The following NRGN variants were observed in gnomAD, a reference collection of about 807,000 sequenced individuals.
NRGN encodes the protein neurogranin.
For missense variants in NRGN, 82 were observed against 123.0 expected, an observed-to-expected ratio of 0.67 and a Z score of 1.58; for synonymous variants, 47 against 52.8, an observed-to-expected ratio of 0.89 and a Z score of 0.47.
chr11:124,745,546 C>G lies in NRGN; in HGVS notation c.59C>G (p.Pro20Arg). ...CCGGACGACGACATTCTAGACATCCCGCTGGACGATCCCGGCGCCAACGCG... is the reference window on the plus strand; with the variant it reads ...CCGGACGACGACATTCTAGACATCCGGCTGGACGATCCCGGCGCCAACGCG... ...SKPDDDILDIPLDDPGANAAA... is the reference protein window; with the variant it reads ...SKPDDDILDIRLDDPGANAAA... Residue 20 changes from proline to arginine, a missense_variant, in exon 2 of 4, where the codon CCG becomes CGG. Physicochemically the swap from Pro to Arg is moderately radical, Grantham distance 103. Transcript: ENST00000284292. This position sits in a 1 kb window ranked among gnomAD's most constrained non-coding sequence, Gnocchi z 6.4. 1 of 1,605,692 alleles carries G rather than the reference C, an allele frequency of 6.2e-7. No individual in the cohort carries two copies. Among genetic ancestry groups the G allele is most frequent in the South Asian group, 1.1e-5 (1 of 89,862 alleles).
chr11:124,740,058 C>A lies in NRGN; in HGVS notation c.-27C>A. On this transcript the variant is annotated 5_prime_UTR_variant, in exon 1 of 4. Transcript: ENST00000284292. The surrounding 1 kb of genome is among the most constrained non-coding windows in gnomAD (Gnocchi z 7.5). ...ACCCCCGCCCTGCGCCAGCCTTCGT[C>A]CCCGCAGAGGACCCCCCGACACCAG... 1 of 1,308,892 alleles carries A rather than the reference C, an allele frequency of 7.6e-7. No homozygotes were observed. The highest frequency in any genetic ancestry group is 9.8e-7 in the Non-Finnish European group (1 of 1,018,950). 81.1% of individuals were successfully genotyped at this position (1,308,892 alleles called of 1,614,324 possible). A position where few individuals can be genotyped will look rare whatever the true frequency, so the allele number is the denominator to read the frequency against.
chr11:124,743,482 T>C (rs1246827065), intron 1 of NRGN, among the ~76,000 whole-genome samples: 1 of 152,212 alleles, frequency 6.6e-6, no homozygotes, highest in East Asian at 1.9e-4. Context: ...GACCTGTGTT[T>C]GGCCTTTCCA....
At position 124,745,763 on chromosome 11, in the gene NRGN, G is replaced by A; in HGVS notation, c.*5+34G>A. On this transcript the variant is annotated intron_variant, in intron 2 of 3. Transcript: ENST00000284292. This position sits in a 1 kb window ranked among gnomAD's most constrained non-coding sequence, Gnocchi z 6.4. ...GGCGGCGCGCGGCTGGCTGACAGCT[G>A]CCCTTCCCCAGCCCTCCCCAGGAGC... 1 of 1,168,602 alleles carries A rather than the reference G, an allele frequency of 8.6e-7. No homozygotes were observed. The highest frequency in any genetic ancestry group is 1.1e-6 in the Non-Finnish European group (1 of 903,098). 72.4% of individuals were successfully genotyped at this position (1,168,602 alleles called of 1,614,324 possible).
In NRGN at chr11:124,741,895, G is replaced by T. The variant is rs1014286787; in HGVS notation, c.15+1796G>T. Among the ~76,000 whole-genome samples the T allele has an allele frequency of 2.6e-4, 40 of 152,268 alleles. 1 individual carries two copies. Among genetic ancestry groups the T allele is most frequent in the African/African-American group, 7.9e-4 (33 of 41,548 alleles). ...TCTTGAGTGCCCAGGGAGCCATACT[G>T]AGGGATTAGTAGACATGGTTGAAGT... On this transcript the variant is annotated intron_variant, in intron 1 of 3. Transcript: ENST00000284292.
intron 1 of NRGN, among the ~76,000 whole-genome samples, chr11:124,743,588 A>G (rs945467785): frequency 6.6e-6 from 1 of 152,088 alleles, no homozygotes; most frequent in African/African-American, 2.4e-5. Flanking sequence ...TAAATCGATT[A>G]TGGGCATCTT....
rs1475079303 is a variant in NRGN at position 124,746,394 on chromosome 11, C to G, written c.*24-10C>G. ...AAGAGGGCAGGTTCTCAGACCTTTT[C>G]TCTCCTCAGTTCCCGAGGAGAGATG... On this transcript the variant is annotated splice_polypyrimidine_tract_variant and intron_variant, in intron 3 of 3. Coordinates refer to ENST00000284292, the MANE Select transcript of NRGN (RefSeq NM_006176.3). 2 of 152,670 alleles carry G rather than the reference C, an allele frequency of 1.3e-5. No individual in the cohort carries two copies. The highest frequency in any genetic ancestry group is 6.5e-5 in the Admixed American group (1 of 15,286). 9.5% of individuals were successfully genotyped at this position (152,670 alleles called of 1,614,324 possible). A position where few individuals can be genotyped will look rare whatever the true frequency, so the allele number is the denominator to read the frequency against.
Position 124,739,988 on chromosome 11 carries a change from G to T in NRGN, c.-97G>T. 1.9e-6 allele frequency: 1 copy of T among 531,394 alleles called. No homozygotes were observed. The highest frequency in any genetic ancestry group is 3.1e-6 in the Non-Finnish European group (1 of 318,636). 32.9% of individuals were successfully genotyped at this position (531,394 alleles called of 1,614,324 possible). ...CTGCTGTTTCGGCGCGGGTCGGCTG[G>T]CGGCCGACTGCCCCAGAGCCCCCAC... On this transcript the variant is annotated 5_prime_UTR_variant, in exon 1 of 4. Transcript: ENST00000284292.
chr11:124,742,807 C>T (rs1943976680), intron 1 of NRGN, among the ~76,000 whole-genome samples: 1 of 152,190 alleles, frequency 6.6e-6, no homozygotes, highest in Non-Finnish European at 1.5e-5. Flanking sequence ...AAGCAGCAAG[C>T]AGGGGATATC....
intron 1 of NRGN, among the ~76,000 whole-genome samples, chr11:124,741,397 A>G (rs558600500): frequency 6.6e-6 from 1 of 152,308 alleles, no homozygotes; most frequent in Non-Finnish European, 1.5e-5. Flanking sequence ...TACTGATTAT[A>G]AAAGTAATCT....
At position 124,745,145 on chromosome 11, in the gene NRGN, A is replaced by G. The variant is rs1359337628; in HGVS notation, c.16-358A>G. On this transcript the variant is annotated intron_variant, in intron 1 of 3. Transcript: ENST00000284292. The surrounding 1 kb of genome is among the most constrained non-coding windows in gnomAD (Gnocchi z 6.4). ...TCTGAGAGCAGGGGGACAGGCGGCC[A>G]CTCCAGGAGTGCCTGCTGCTGTTTT... Among the ~76,000 whole-genome samples, 1 of 151,852 alleles carries G rather than the reference A, an allele frequency of 6.6e-6. No homozygotes were observed. The highest frequency in any genetic ancestry group is 1.5e-5 in the Non-Finnish European group (1 of 67,950).
Position 124,745,708 on chromosome 11 carries a change from G to T in NRGN, c.221G>T (p.Gly74Val). 7.2e-7 allele frequency: 1 copy of T among 1,385,062 alleles called. No individual in the cohort carries two copies. The highest frequency in any genetic ancestry group is 2.7e-4 in the Middle Eastern group (1 of 3,688). 85.8% of individuals were successfully genotyped at this position (1,385,062 alleles called of 1,614,324 possible). A position where few individuals can be genotyped will look rare whatever the true frequency, so the allele number is the denominator to read the frequency against. The change falls in exon 2 of 4, where the codon GGC (glycine) becomes GTC (valine). Residue 74 changes from glycine (G) to valine (V), a missense_variant. Coordinates refer to ENST00000284292, the MANE Select transcript of NRGN (RefSeq NM_006176.3). This position sits in a 1 kb window ranked among gnomAD's most constrained non-coding sequence, Gnocchi z 6.4. ...GTGGCCCGGGGAGGCGCGGGCGGCG[G>T]CCCCAGCGGAGACTAGGCCAGGTGA... The part of the protein sequence containing the change: ...AGVARGGAGG[G>V]PSGD
At chr11:124,744,432 G>A (rs543655747) in intron 1 of NRGN, among the ~76,000 whole-genome samples, 89 of 152,318 alleles carry the variant, frequency 5.8e-4, no homozygotes, top group African/African-American at 2.1e-3. Flanking sequence ...ATAACTTGCC[G>A]AAGGCCACAC....
chr11:124,743,266 C>T (rs73611437), intron 1 of NRGN, among the ~76,000 whole-genome samples: 1,601 of 152,286 alleles, frequency 0.011, 21 homozygotes, highest in African/African-American at 0.034. Context: ...TCGGGTCTAG[C>T]GTGGTTGGAG....
Position 124,747,097 on chromosome 11 carries a change from C to T in NRGN, c.*717C>T. On this transcript the variant is annotated 3_prime_UTR_variant, in exon 4 of 4. Coordinates refer to ENST00000284292, the MANE Select transcript of NRGN (RefSeq NM_006176.3). ...CCCGCCCCGCCCCTGTCGGTCCCGCCCTCCCCCCCGCCGGGCTCCTGGGGC... is the reference window on the plus strand; with the variant it reads ...CCCGCCCCGCCCCTGTCGGTCCCGCTCTCCCCCCCGCCGGGCTCCTGGGGC... The T allele has an allele frequency of 6.5e-6, 1 of 153,520 alleles. No individual in the cohort carries two copies. Among genetic ancestry groups the T allele is most frequent in the Non-Finnish European group, 1.5e-5 (1 of 68,896 alleles). 9.5% of individuals were successfully genotyped at this position (153,520 alleles called of 1,614,324 possible).
intron 1 of NRGN, among the ~76,000 whole-genome samples, chr11:124,741,564 A>G (rs1202409463): frequency 6.6e-6 from 1 of 152,004 alleles, no homozygotes; most frequent in Non-Finnish European, 1.5e-5. Flanking sequence ...TTTGGTTGTG[A>G]AGGGAGAAAT....
chr11:124,740,177 G>C lies in NRGN; in HGVS notation c.15+78G>C. On this transcript the variant is annotated intron_variant, in intron 1 of 3. Transcript: ENST00000284292. The surrounding 1 kb of genome is among the most constrained non-coding windows in gnomAD (Gnocchi z 7.5). ...CGCCTGAGAAAGCCCTGGAGGGCGA[G>C]AGAGGGATGGAAGTGGATGCGGAAG... 9.3e-7 allele frequency: 1 copy of C among 1,075,102 alleles called. No individual in the cohort carries two copies. The allele number at this position is 1,075,102 out of a possible 1,614,324, so 66.6% of individuals were successfully genotyped here. A position where few individuals can be genotyped will look rare whatever the true frequency, so the allele number is the denominator to read the frequency against.
intron 1 of NRGN, chr11:124,744,639 GTACGTAATAGCTT>G (rs1439238841): frequency 4.6e-5 from 7 of 152,156 alleles, no homozygotes; most frequent in African/African-American, 1.7e-4. Context: ...TGATAAAAAG[GTACGTAATAGCTT>G]TATTTTGGGG....
At position 124,740,013 on chromosome 11, in the gene NRGN, C is replaced by T; in HGVS notation, c.-72C>T. 3 of 750,550 alleles carry T rather than the reference C, an allele frequency of 4.0e-6. No individual in the cohort carries two copies. Among genetic ancestry groups the T allele is most frequent in the Non-Finnish European group, 3.9e-6 (2 of 515,270 alleles). The allele number at this position is 750,550 out of a possible 1,614,324, so 46.5% of individuals were successfully genotyped here. ...GCGGCCGACTGCCCCAGAGCCCCCA[C>T]CCGGCACCACACAGACCCCACCCCC... On this transcript the variant is annotated 5_prime_UTR_variant, in exon 1 of 4. Transcript: ENST00000284292. This position sits in a 1 kb window ranked among gnomAD's most constrained non-coding sequence, Gnocchi z 7.5.
chr11:124,745,805 C>A lies in NRGN; in HGVS notation c.*5+76C>A. 1.2e-6 allele frequency: 1 copy of A among 820,518 alleles called. No homozygotes were observed. The highest frequency in any genetic ancestry group is 1.7e-6 in the Non-Finnish European group (1 of 594,132). 50.8% of individuals were successfully genotyped at this position (820,518 alleles called of 1,614,324 possible). ...CCCAGGAGCAGGGGGAGAATAAGGG[C>A]GGGTTGGAGGTGCAGGGGGCGTGGA... is the stretch of plus-strand genomic sequence containing the variant. On this transcript the variant is annotated intron_variant, in intron 2 of 3. Transcript: ENST00000284292. The surrounding 1 kb of genome is among the most constrained non-coding windows in gnomAD (Gnocchi z 6.4).
Sources: allele counts gnomAD v4.1 joint callset (sites outside exome capture counted in the v4.1 genomes callset), GRCh38; gene constraint gnomAD v4.1.1; non-coding constraint Gnocchi (gnomAD v3.1); transcripts MANE v1.5; gene names NCBI Gene and HGNC (gene_info 2026-07-23, HGNC 2026-07-21).